TENM4: variants seen among roughly 807,000 people sequenced by gnomAD.
The protein encoded by TENM4 is teneurin transmembrane protein 4.
In TENM4, 82 loss-of-function variants were observed where a neutral mutation model predicts 243.3. The ratio of observed to expected loss-of-function variants is 0.34; its 90% CI spans 0.28 to 0.40. The LOEUF (loss-of-function observed/expected upper bound fraction) is 0.40, where lower values mean the gene tolerates loss of function less well. TENM4 is among the 10% of genes least tolerant of loss of function. The probability of loss-of-function intolerance (pLI) is 1.00; values close to 1 mark genes in which losing one functional copy is unlikely to be tolerated. For missense variants in TENM4, 3,138 were observed against 3,673.3 expected (o/e 0.85, Z 3.77); for synonymous variants, 1,412 against 1,456.3 (o/e 0.97, Z 0.69).
chr11:78,960,334 C>T (rs1857291377), intron 6 of TENM4, among the ~76,000 whole-genome samples: 1 of 152,052 alleles, frequency 6.6e-6, no homozygotes, highest in South Asian at 2.1e-4. Context: ...AGAAGAGAAT[C>T]ATCAAGGACA....
chr11:78,888,557 AC>A (rs1216774220), intron 9 of TENM4, among the ~76,000 whole-genome samples: 1 of 152,172 alleles, frequency 6.6e-6, no homozygotes, highest in Non-Finnish European at 1.5e-5. Context: ...TGCCACTCAA[AC>A]CCCATCCATG....
chr11:78,667,170 G>A (rs1858178366), intron 32 of TENM4, among the ~76,000 whole-genome samples: 1 of 152,178 alleles, frequency 6.6e-6, no homozygotes, highest in African/African-American at 2.4e-5. Context: ...GCATATTCAT[G>A]TTTATCCATA....
chr11:79,222,322 A>C (rs1864174891), intron 2 of TENM4, among the ~76,000 whole-genome samples: 1 of 152,174 alleles, frequency 6.6e-6, no homozygotes, highest in Non-Finnish European at 1.5e-5. Flanking sequence ...TGTTCCTGAA[A>C]AGGACATTAT....
intron 13 of TENM4, among the ~76,000 whole-genome samples, chr11:78,813,040 C>T (rs1857532255): frequency 1.3e-5 from 2 of 152,176 alleles, no homozygotes; most frequent in South Asian, 4.1e-4. Context: ...GACGGTAATT[C>T]TTGTTAGAAG....
At chr11:79,211,155 A>G (rs755665053) in intron 3 of TENM4, among the ~76,000 whole-genome samples, 1 of 152,168 alleles carries the variant, frequency 6.6e-6, no homozygotes, top group African/African-American at 2.4e-5. Context: ...AGTTACACCA[A>G]CTTGACCTTA....
chr11:79,106,504 A>G (rs6592829), intron 4 of TENM4, among the ~76,000 whole-genome samples: 27,197 of 152,236 alleles, frequency 0.18, 2,491 homozygotes, highest in Admixed American at 0.21. Flanking sequence ...TGGGAGGACT[A>G]CAGGAAGAAG....
At chr11:78,904,359 CAA>C (rs61503457) in intron 6 of TENM4, among the ~76,000 whole-genome samples, 18 of 77,218 alleles carry the variant, frequency 2.3e-4, no homozygotes, top group Admixed American at 1.3e-4. Flanking sequence ...GACTCTGTCT[CAA>C]AAAAAAAAAA....
At chr11:79,156,423 C>T (rs1029647230) in intron 3 of TENM4, among the ~76,000 whole-genome samples, 4 of 152,174 alleles carry the variant, frequency 2.6e-5, no homozygotes, top group Admixed American at 6.5e-5. Flanking sequence ...AGGTGAAGGG[C>T]GAGATTCTGG....
intron 1 of TENM4, among the ~76,000 whole-genome samples, chr11:79,315,555 CA>C (rs1472820327): frequency 6.6e-6 from 1 of 152,202 alleles, no homozygotes; most frequent in Non-Finnish European, 1.5e-5. Flanking sequence ...TGCTGGAGAA[CA>C]GGGGTGCTCA....
chr11:79,411,519 C>T (rs536490281), intron 1 of TENM4, among the ~76,000 whole-genome samples: 1 of 152,318 alleles, frequency 6.6e-6, no homozygotes, highest in African/African-American at 2.4e-5. Flanking sequence ...CTATGCTGCA[C>T]TTAGGCTACA....
At chr11:78,663,312 G>C (rs920698705) in intron 32 of TENM4, among the ~76,000 whole-genome samples, 1 of 152,228 alleles carries the variant, frequency 6.6e-6, no homozygotes, top group African/African-American at 2.4e-5. Context: ...CCTGATCGCA[G>C]AGGTCCTGTT....
At chr11:79,126,327 C>A (rs1047627356) in intron 4 of TENM4, among the ~76,000 whole-genome samples, 3 of 152,198 alleles carry the variant, frequency 2.0e-5, no homozygotes, top group African/African-American at 7.2e-5. Context: ...GTGAGGGCAG[C>A]ACCTGCATCT....
chr11:78,871,503 C>T (rs1434802981), intron 9 of TENM4, among the ~76,000 whole-genome samples: 3 of 152,308 alleles, frequency 2.0e-5, no homozygotes, highest in South Asian at 2.1e-4. Flanking sequence ...ACCCACTCAC[C>T]GCACAGATGA....
intron 18 of TENM4, among the ~76,000 whole-genome samples, chr11:78,761,578 G>A (rs1337187671): frequency 6.6e-6 from 1 of 152,096 alleles, no homozygotes; most frequent in Non-Finnish European, 1.5e-5. Flanking sequence ...CCACCTCAAG[G>A]GTACCATTTG....
chr11:79,373,957 G>A (rs1002157513), intron 1 of TENM4, among the ~76,000 whole-genome samples: 5 of 152,114 alleles, frequency 3.3e-5, no homozygotes, highest in Non-Finnish European at 5.9e-5. Context: ...GGACAATTGG[G>A]GTGAGGGCCA....
At chr11:79,283,957 G>T (rs1856203749) in intron 2 of TENM4, among the ~76,000 whole-genome samples, 2 of 152,076 alleles carry the variant, frequency 1.3e-5, no homozygotes, top group East Asian at 3.9e-4. Flanking sequence ...ATTTATAATA[G>T]CATCAAAAAG....
chr11:79,263,873 C>T (rs1442843298), intron 2 of TENM4, among the ~76,000 whole-genome samples: 2 of 152,188 alleles, frequency 1.3e-5, no homozygotes, highest in Non-Finnish European at 2.9e-5. Context: ...AACTTAACCA[C>T]ATATGAGAAA....
chr11:78,669,748 G>A lies in TENM4; in HGVS notation c.6597C>T (p.Asp2199=), dbSNP rs775620977. The A allele has an allele frequency of 6.2e-6, 10 of 1,613,882 alleles. No homozygotes were observed. The highest frequency in any genetic ancestry group is 3.3e-5 in the South Asian group (3 of 91,090). ...TGATGGAGACTGTCTGCAGCTGGCC[G>A]TCAGCATCATACTCATAGGAGTAGC... ...TTRYSYEYDA[D]GQLQTVSIND... The change falls in exon 32 of 34, where the codon GAC becomes GAT. Residue 2199 remains aspartate, a synonymous_variant. Transcript: ENST00000278550. This position sits in a 1 kb window ranked among gnomAD's most constrained non-coding sequence, Gnocchi z 6.4.
rs367880605 is a variant in TENM4, at chr11:79,294,764, G to A, written c.-265+2724C>T. ...CTTGGGAGGCTGAGGCAGGAGAATC[G>A]TTTGAACCTGGGAGGTAGAGGTTGC... On this transcript the variant is annotated intron_variant, in intron 2 of 33. Transcript: ENST00000278550. Among the ~76,000 whole-genome samples the A allele has an allele frequency of 2.2e-4, 34 of 152,130 alleles. No homozygotes were observed. The Middle Eastern group carries it at 0.01, about 46-fold the overall frequency.
Sources: gnomAD v4.1 joint callset for allele counts (sites outside exome capture counted in the v4.1 genomes callset) on GRCh38, gnomAD v4.1.1 for gene constraint, Gnocchi (gnomAD v3.1) non-coding constraint, MANE v1.5 for transcripts, NCBI Gene and HGNC (gene_info 2026-07-23, HGNC 2026-07-21) for gene names.